NDP: variants seen among roughly 807,000 people sequenced by gnomAD.
NDP encodes the protein norrin cystine knot growth factor NDP, also known as norrin.
Under a neutral mutation model 8.4 loss-of-function variants are expected in NDP, and 2 were observed. The observed-to-expected ratio is 0.24, with a 90% CI of 0.10 to 0.75. The LOEUF is 0.75. Ranked by LOEUF, NDP falls within the 30% of genes least tolerant of loss-of-function variation. The pLI is 0.73. For missense variants in NDP, 81 were observed against 110.1 expected (o/e 0.74, Z 1.18); for synonymous variants, 55 against 45.6 (o/e 1.21, Z -0.83).
intron 1 of NDP, among the ~76,000 whole-genome samples, chrX:43,963,491 A>C (rs1461047218): frequency 8.9e-6 from 1 of 112,480 alleles, no homozygotes; most frequent in Non-Finnish European, 1.9e-5. Flanking sequence ...CTTGATATTT[A>C]TTGTAATTTT....
chrX:43,950,458 CAAAAAAA>C (rs11292831), intron 2 of NDP, among the ~76,000 whole-genome samples: 10 of 59,302 alleles, frequency 1.7e-4, no homozygotes, highest in East Asian at 6.5e-4. Flanking sequence ...AAATGACTAC[CAAAAAAA>C]AAAAAAAAAA....
At chrX:43,959,675 C>T (rs1374173745) in intron 1 of NDP, among the ~76,000 whole-genome samples, 3 of 111,701 alleles carry the variant, frequency 2.7e-5, no homozygotes, top group South Asian at 3.8e-4. Flanking sequence ...GACTGGGGTC[C>T]AGAGATCTCT....
At chrX:43,965,590 A>G (rs1328484181) in intron 1 of NDP, among the ~76,000 whole-genome samples, 4 of 111,544 alleles carry the variant, frequency 3.6e-5, no homozygotes, top group Non-Finnish European at 7.5e-5. Flanking sequence ...TTAATAAATC[A>G]TGCTAGGATT....
chrX:43,961,451 T>C (rs1322640369), intron 1 of NDP, among the ~76,000 whole-genome samples: 1 of 112,006 alleles, frequency 8.9e-6, no homozygotes, highest in Non-Finnish European at 1.9e-5. Flanking sequence ...TAACCAACTA[T>C]ATATGGAAGG....
intron 2 of NDP, among the ~76,000 whole-genome samples, chrX:43,958,182 C>T (rs757050860): frequency 2.0e-4 from 22 of 111,470 alleles, no homozygotes; most frequent in African/African-American, 7.2e-4. Flanking sequence ...TTGTAAACTC[C>T]ATTTTTCTTT....
At chrX:43,957,348 G>C (rs2035800323) in intron 2 of NDP, among the ~76,000 whole-genome samples, 1 of 109,819 alleles carries the variant, frequency 9.1e-6, no homozygotes, top group African/African-American at 3.3e-5. Context: ...TTTTTTTTTG[G>C]TTCTACAAGC....
At chrX:43,955,439 C>T (rs180747219) in intron 2 of NDP, among the ~76,000 whole-genome samples, 66 of 112,040 alleles carry the variant, frequency 5.9e-4, no homozygotes, top group African/African-American at 1.7e-3. Context: ...GTCACTCATT[C>T]GGCAAGCCAT....
chrX:43,969,131 G>A (rs2035875120), intron 1 of NDP, among the ~76,000 whole-genome samples: 1 of 110,987 alleles, frequency 9.0e-6, no homozygotes, highest in Non-Finnish European at 1.9e-5. Context: ...ACTCATCAAC[G>A]AAACTGTTGT....
chrX:43,959,401 G>T (rs1295793219), intron 1 of NDP, among the ~76,000 whole-genome samples: 2 of 111,534 alleles, frequency 1.8e-5, no homozygotes, highest in Non-Finnish European at 3.8e-5. Context: ...TCCTGTTTTT[G>T]TTTTAAGCCC....
intron 2 of NDP, among the ~76,000 whole-genome samples, chrX:43,952,668 A>C (rs2035769692): frequency 9.0e-6 from 1 of 111,455 alleles, no homozygotes; most frequent in South Asian, 3.8e-4. Flanking sequence ...CCCCCAGCCC[A>C]CTCTGAAGGA....
intron 1 of NDP, among the ~76,000 whole-genome samples, chrX:43,961,931 A>C (rs2035828825): frequency 8.9e-6 from 1 of 111,897 alleles, no homozygotes; most frequent in Non-Finnish European, 1.9e-5. Context: ...AAATGAATAA[A>C]ACACTTTGCA....
intron 1 of NDP, among the ~76,000 whole-genome samples, chrX:43,967,678 G>T (rs2035866071): frequency 9.0e-6 from 1 of 111,616 alleles, no homozygotes; most frequent in African/African-American, 3.3e-5. Flanking sequence ...CCCCTGACCT[G>T]CTCTCTCCCT....
intron 2 of NDP, among the ~76,000 whole-genome samples, chrX:43,956,096 A>G (rs2035791429): frequency 9.0e-6 from 1 of 111,483 alleles, no homozygotes; most frequent in Admixed American, 9.6e-5. Context: ...AGTTTTCCTT[A>G]CCAGGATAAT....
chrX:43,951,274 G>C (rs1397460112), intron 2 of NDP, among the ~76,000 whole-genome samples: 5 of 109,602 alleles, frequency 4.6e-5, no homozygotes, highest in African/African-American at 1.3e-4. Context: ...AGTTAACCAG[G>C]CGTGGTGATG....
chrX:43,969,018 C>T (rs2035874537), intron 1 of NDP, among the ~76,000 whole-genome samples: 1 of 111,471 alleles, frequency 9.0e-6, no homozygotes, highest in South Asian at 3.8e-4. Context: ...CCTTTTGGTC[C>T]CAGGGACATT....
chrX:43,951,551 A>T (rs1030302096), intron 2 of NDP, among the ~76,000 whole-genome samples: 27 of 112,597 alleles, frequency 2.4e-4, no homozygotes, highest in African/African-American at 7.4e-4. Flanking sequence ...TTTACCTTAC[A>T]ATATTGTAGG....
In NDP at chrX:43,949,736, T is replaced by G; in HGVS notation, c.*63A>C. The G allele has an allele frequency of 9.4e-7, 1 of 1,061,364 alleles. No homozygotes were observed. The highest frequency in any genetic ancestry group is 1.3e-6 in the Non-Finnish European group (1 of 776,298). 87.5% of individuals were successfully genotyped at this position (1,061,364 alleles called of 1,213,427 possible). ...CCTTAACTCTTTTCTTGCCAGTCTT[T>G]CCCTGGCTGGTCGAACTGCCTCTAC... On this transcript the variant is annotated 3_prime_UTR_variant, in exon 3 of 3. Coordinates refer to ENST00000642620, the MANE Select transcript of NDP (RefSeq NM_000266.4).
At chrX:43,953,886 A>T (rs192309953) in intron 2 of NDP, among the ~76,000 whole-genome samples, 7 of 112,530 alleles carry the variant, frequency 6.2e-5, no homozygotes, top group Admixed American at 5.6e-4. Context: ...GAAACCCCTG[A>T]CCATATCCAT....
intron 1 of NDP, chrX:43,960,853 TCTG>T (rs1438410954): frequency 8.9e-6 from 1 of 112,430 alleles, no homozygotes; most frequent in Admixed American, 9.4e-5. Flanking sequence ...TGGCCCTTCT[TCTG>T]CACTGCCAGC....
Sources: gnomAD v4.1 joint callset for allele counts (sites outside exome capture counted in the v4.1 genomes callset) on GRCh38, gnomAD v4.1.1 for gene constraint, MANE v1.5 for transcripts, NCBI Gene and HGNC (gene_info 2026-07-23, HGNC 2026-07-21) for gene names.